The following LRRC27 variants were observed in gnomAD, a reference collection of about 807,000 sequenced individuals.
LRRC27 encodes the protein leucine-rich repeat-containing protein 27.
Under a neutral mutation model 55.0 loss-of-function variants are expected in LRRC27, and 57 were observed. That is an observed-to-expected ratio of 1.04 (90% CI 0.84 to 1.29). LRRC27 has a LOEUF of 1.29. Among genes scored for constraint, LRRC27 ranks in the 50% most tolerant of loss-of-function variants. The pLI, the probability that LRRC27 is intolerant of heterozygous loss-of-function variation, is 0.00. For synonymous variants in LRRC27, 278 were observed against 251.9 expected, an observed-to-expected ratio of 1.10 and a Z score of -0.98; for missense variants, 721 against 651.5, an observed-to-expected ratio of 1.11 and a Z score of -1.16.
rs1217480055 is a variant in LRRC27, at chr10:132,364,757, T to TA, written c.1290-666dup. Reference sequence around the variant, plus strand: ...TTACATCTACCTCCACGCCCACACTTACACTCATGCTTACATCTACCTCCA... The same window carrying TA: ...TTACATCTACCTCCACGCCCACACTTAACACTCATGCTTACATCTACCTCCA... On this transcript the variant is annotated intron_variant, in intron 9 of 10. Coordinates refer to ENST00000368614, the MANE Select transcript of LRRC27 (RefSeq NM_030626.3). 2.6e-4 allele frequency among the ~76,000 whole-genome samples: 14 copies of TA among 54,264 alleles called. 1 individual carries two copies. The highest frequency in any genetic ancestry group is 2.5e-3 in the South Asian group (4 of 1,580). The allele number at this position is 54,264 out of a possible 152,430, so 35.6% of individuals were successfully genotyped here.
At chr10:132,358,227 A>G (rs2068396396) in intron 8 of LRRC27, among the ~76,000 whole-genome samples, 1 of 152,256 alleles carries the variant, frequency 6.6e-6, no homozygotes, top group Non-Finnish European at 1.5e-5. Context: ...ACATGAAAAG[A>G]TGCTCAGCCT....
In LRRC27 at chr10:132,355,682, T is replaced by G. The variant is rs550207733; in HGVS notation, c.1074-108T>G. 1.6e-5 allele frequency: 13 copies of G among 794,834 alleles called. No homozygotes were observed. The South Asian group carries it at 1.9e-4, about 11-fold the overall frequency. 49.2% of individuals were successfully genotyped at this position (794,834 alleles called of 1,614,324 possible). On this transcript the variant is annotated intron_variant, in intron 7 of 10. Coordinates refer to ENST00000368614, the MANE Select transcript of LRRC27 (RefSeq NM_030626.3). ...GGAGGGCATGCACGCCCCCAGCCTG[T>G]GCCCCCTGGAGACAGGTGCACCGCA...
At chr10:132,345,792 G>C (rs1216679081) in intron 5 of LRRC27, among the ~76,000 whole-genome samples, 1 of 152,196 alleles carries the variant, frequency 6.6e-6, no homozygotes, top group Non-Finnish European at 1.5e-5. Context: ...GGGAGCACAG[G>C]AGACACGGAC....
At position 132,333,549 on chromosome 10, in the gene LRRC27, G is replaced by T; in HGVS notation, c.25G>T (p.Val9Phe). The T allele has an allele frequency of 6.2e-7, 1 of 1,608,282 alleles. No homozygotes were observed. Among genetic ancestry groups the T allele is most frequent in the Non-Finnish European group, 8.5e-7 (1 of 1,177,418 alleles). ...GATGGAGGGAAGCAGCTCCTACGAAGTTCCCTCTGTGGCTGCTGCTGATCT... is the reference window on the plus strand; with the variant it reads ...GATGGAGGGAAGCAGCTCCTACGAATTTCCCTCTGTGGCTGCTGCTGATCT... MEGSSSYE[V>F]PSVAAADLEE... The change falls in exon 2 of 11, where the codon GTT (valine) becomes TTT (phenylalanine). Residue 9 changes from valine to phenylalanine, a missense_variant. Transcript: ENST00000368614.
intron 9 of LRRC27, among the ~76,000 whole-genome samples, chr10:132,364,480 C>CCT (rs2068874479): frequency 6.7e-6 from 1 of 148,336 alleles, no homozygotes; most frequent in Non-Finnish European, 1.5e-5. Flanking sequence ...CTTACACCCA[C>CCT]CCACACTTAC....
chr10:132,346,029 C>T lies in LRRC27; in HGVS notation c.553+1379C>T, dbSNP rs544725457. Among the ~76,000 whole-genome samples the T allele has an allele frequency of 5.3e-5, 8 of 152,236 alleles. No individual in the cohort carries two copies. In the East Asian group the frequency reaches 1.2e-3, roughly 22 times the overall value. ...TGGGACGCTCCTGGTTTTGGTGAATCGCTATGGCGATGTGTGAGCATCTCC... is the reference window on the plus strand; with the variant it reads ...TGGGACGCTCCTGGTTTTGGTGAATTGCTATGGCGATGTGTGAGCATCTCC... On this transcript the variant is annotated intron_variant, in intron 5 of 10. Coordinates refer to ENST00000368614, the MANE Select transcript of LRRC27 (RefSeq NM_030626.3).
intron 7 of LRRC27, 65 bp from the exon 8 acceptor site, chr10:132,355,725 A>C: frequency 8.2e-7 from 1 of 1,219,490 alleles, no homozygotes; most frequent in Non-Finnish European, 1.2e-6. Flanking sequence ...AGAATGACAG[A>C]GGAATCCTGT....
At chr10:132,343,538 G>A (rs2067521505) in intron 4 of LRRC27, among the ~76,000 whole-genome samples, 1 of 152,176 alleles carries the variant, frequency 6.6e-6, no homozygotes, top group East Asian at 1.9e-4. Flanking sequence ...ATAATACAGA[G>A]TCACTTGCCA....
intron 5 of LRRC27, among the ~76,000 whole-genome samples, chr10:132,345,671 C>A (rs1388668437): frequency 1.3e-5 from 2 of 152,066 alleles, no homozygotes; most frequent in African/African-American, 4.8e-5. Flanking sequence ...GGAGTGGGGG[C>A]AGGTAGCTGA....
intron 8 of LRRC27, among the ~76,000 whole-genome samples, chr10:132,360,356 A>G (rs1265645252): frequency 6.6e-6 from 1 of 152,174 alleles, no homozygotes; most frequent in East Asian, 1.9e-4. Context: ...CCGGCCTCCC[A>G]AAGTGCTGGG....
chr10:132,372,776 A>G lies in LRRC27; in HGVS notation c.1417-2290A>G, dbSNP rs978190506. 6.6e-6 allele frequency among the ~76,000 whole-genome samples: 1 copy of G among 152,222 alleles called. No individual in the cohort carries two copies. Among genetic ancestry groups the G allele is most frequent in the Non-Finnish European group, 1.5e-5 (1 of 68,044 alleles). Reference sequence around the variant, plus strand: ...CAGAAGGTCAGGTGCACAACCGACCAGGAGGGCTGGCCAGCTCCATGGCGC... The same window carrying G: ...CAGAAGGTCAGGTGCACAACCGACCGGGAGGGCTGGCCAGCTCCATGGCGC... On this transcript the variant is annotated intron_variant, in intron 10 of 10. Transcript: ENST00000368614. The surrounding 1 kb of genome is among the most constrained non-coding windows in gnomAD (Gnocchi z 4.0).
intron 2 of LRRC27, chr10:132,335,171 C>T (rs1033786942): frequency 5.9e-5 from 9 of 152,238 alleles, no homozygotes; most frequent in African/African-American, 2.2e-4. Flanking sequence ...TTTTTAATGA[C>T]GGTCTTGCAA....
intron 10 of LRRC27, among the ~76,000 whole-genome samples, chr10:132,367,617 G>C (rs190584210): frequency 9.4e-4 from 143 of 152,280 alleles, no homozygotes; most frequent in African/African-American, 2.8e-3. Flanking sequence ...AAATCAGTTG[G>C]TTTTATCAAT....
chr10:132,346,861 G>A, intron 5 of LRRC27, among the ~76,000 whole-genome samples: 1 of 152,164 alleles, frequency 6.6e-6, no homozygotes, highest in East Asian at 1.9e-4. Flanking sequence ...AAGCATGTTT[G>A]CCCATTTTTT....
At chr10:132,331,810 A>C (rs11146335), upstream of LRRC27, 1 of 1,583,112 alleles carries the variant, frequency 6.3e-7, no homozygotes, top group Non-Finnish European at 8.6e-7. Context: ...TTGCCCGTCG[A>C]CCACCACCCC....
intron 2 of LRRC27, chr10:132,336,994 A>G (rs531826398): frequency 1.3e-5 from 12 of 914,896 alleles, no homozygotes; most frequent in South Asian, 4.2e-5. Context: ...ACGACTTTAC[A>G]ACGCCACCGA....
Position 132,375,295 on chromosome 10 carries a change from T to C in LRRC27, c.*53T>C. The C allele has an allele frequency of 6.5e-7, 1 of 1,539,662 alleles. No homozygotes were observed. The highest frequency in any genetic ancestry group is 8.8e-7 in the Non-Finnish European group (1 of 1,134,264). On this transcript the variant is annotated 3_prime_UTR_variant, in exon 11 of 11. Coordinates refer to ENST00000368614, the MANE Select transcript of LRRC27 (RefSeq NM_030626.3). The stretch of plus-strand genomic sequence containing the variant: ...TCTTCAGACAGGAGCCGCTCAGTCT[T>C]CTTTCCCGGGCGTCGCCTCCTGTGT...
At chr10:132,358,722 A>AAGGTGGTGGAGTGTGGGAAGGAGCCG (rs2068446624) in intron 8 of LRRC27, among the ~76,000 whole-genome samples, 1 of 11,804 alleles carries the variant, frequency 8.5e-5, no homozygotes, top group African/African-American at 6.1e-4. Context: ...GGGAGGAGCC[A>AAGGTGGTGGAGTGTGGGAAGGAGCCG]AGGTGGTGGA....
upstream of LRRC27, chr10:132,331,379 G>C: frequency 1.3e-6 from 2 of 1,532,808 alleles, no homozygotes; most frequent in Non-Finnish European, 1.8e-6. Context: ...CTCCCCTCCC[G>C]CCCGGTGTCA....
Sources: allele counts gnomAD v4.1 joint callset (sites outside exome capture counted in the v4.1 genomes callset), GRCh38; gene constraint gnomAD v4.1.1; non-coding constraint Gnocchi (gnomAD v3.1); transcripts MANE v1.5; gene names NCBI Gene and HGNC (gene_info 2026-07-23, HGNC 2026-07-21).